The following COBL variants were observed in gnomAD, a reference collection of about 807,000 sequenced individuals.
COBL encodes cordon-bleu WH2 repeat protein.
In COBL, 51 loss-of-function variants were observed where a neutral mutation model predicts 98.8. That is an observed-to-expected ratio of 0.52 (90% confidence interval 0.41 to 0.65). COBL has a LOEUF of 0.65. COBL is among the 30% of genes least tolerant of loss of function. COBL has a pLI of 0.00. For missense variants in COBL, 1,617 were observed against 1,617.5 expected, an observed-to-expected ratio of 1.00 and a Z score of 0.01; for synonymous variants, 634 against 651.7, an observed-to-expected ratio of 0.97 and a Z score of 0.41.
intron 5 of COBL, among the ~76,000 whole-genome samples, chr7:51,166,996 C>T (rs1020515030): frequency 1.2e-4 from 18 of 152,108 alleles, no homozygotes; most frequent in South Asian, 6.2e-4. Context: ...CAGCTAGTAT[C>T]TTACTGAATG....
chr7:51,305,485 A>G (rs1802371785), intron 1 of COBL, among the ~76,000 whole-genome samples: 1 of 152,260 alleles, frequency 6.6e-6, no homozygotes, highest in Non-Finnish European at 1.5e-5. Context: ...ATAAAGAGAC[A>G]AAAGGTATAA....
intron 5 of COBL, among the ~76,000 whole-genome samples, chr7:51,171,116 G>A (rs1218968461): frequency 6.6e-6 from 1 of 152,050 alleles, no homozygotes; most frequent in East Asian, 1.9e-4. Context: ...TTCTCCAAAA[G>A]AGTGCCTATG....
chr7:51,103,003 G>T (rs1795944143), intron 6 of COBL, among the ~76,000 whole-genome samples: 1 of 152,144 alleles, frequency 6.6e-6, no homozygotes, highest in Non-Finnish European at 1.5e-5. Flanking sequence ...TGCTCAGAGT[G>T]ACAACACTCT....
In COBL at chr7:51,236,187, C is replaced by T. The variant is rs142573691; in HGVS notation, c.42-16243G>A. On this transcript the variant is annotated intron_variant, in intron 1 of 12. Transcript: ENST00000265136. ...CCACTTAACAGACAGAAAACTGAGG[C>T]CCAGAGCCCTTACAAGGAGTGCTGG... Among the ~76,000 whole-genome samples the T allele has an allele frequency of 2.2e-3, 339 of 152,206 alleles. 1 individual carries two copies. Among genetic ancestry groups the T allele is most frequent in the Non-Finnish European group, 4.1e-3 (277 of 68,028 alleles).
At chr7:51,099,973 G>A (rs1422935963) in intron 6 of COBL, among the ~76,000 whole-genome samples, 3 of 152,104 alleles carry the variant, frequency 2.0e-5, no homozygotes, top group Admixed American at 6.5e-5. Flanking sequence ...GCCCTGACTC[G>A]ACCTTATACC....
chr7:51,250,142 C>T (rs2129135879), intron 1 of COBL, among the ~76,000 whole-genome samples: 1 of 152,116 alleles, frequency 6.6e-6, no homozygotes, highest in South Asian at 2.1e-4. Context: ...TAGACACTCC[C>T]TTGACAAACC....
At chr7:51,066,253 C>T (rs963184921) in intron 7 of COBL, among the ~76,000 whole-genome samples, 9 of 152,212 alleles carry the variant, frequency 5.9e-5, no homozygotes, top group Admixed American at 2.0e-4. Context: ...TGTGCAGCCC[C>T]ATACTTGTTG....
At chr7:51,276,223 A>G (rs1799298981) in intron 1 of COBL, among the ~76,000 whole-genome samples, 1 of 152,172 alleles carries the variant, frequency 6.6e-6, no homozygotes, top group African/African-American at 2.4e-5. Context: ...AGCTGTTCTC[A>G]GACATTTCTT....
At chr7:51,140,755 G>A (rs1799661613) in intron 5 of COBL, among the ~76,000 whole-genome samples, 1 of 152,218 alleles carries the variant, frequency 6.6e-6, no homozygotes, top group Admixed American at 6.5e-5. Context: ...ATAGGGCACT[G>A]AGAGTGCAGG....
chr7:51,269,434 A>G (rs1798549839), intron 1 of COBL, among the ~76,000 whole-genome samples: 1 of 152,192 alleles, frequency 6.6e-6, no homozygotes. Flanking sequence ...TAAGTGGCAC[A>G]GGGTCCAGAC....
At chr7:51,268,469 C>T (rs1042717824) in intron 1 of COBL, among the ~76,000 whole-genome samples, 1 of 152,156 alleles carries the variant, frequency 6.6e-6, no homozygotes, top group Admixed American at 6.5e-5. Context: ...TTCCTACCAC[C>T]CTTCCTGCAA....
intron 2 of COBL, among the ~76,000 whole-genome samples, chr7:51,197,286 G>C (rs1433309073): frequency 6.6e-6 from 1 of 152,072 alleles, no homozygotes; most frequent in Non-Finnish European, 1.5e-5. Context: ...TTAACCAAAA[G>C]TAAGTCAGGA....
chr7:51,064,958 CCTCT>C (rs1387715294), intron 7 of COBL: 13 of 593,236 alleles, frequency 2.2e-5, no homozygotes, highest in Non-Finnish European at 3.3e-5. Flanking sequence ...GGCTCATTTT[CCTCT>C]CTATTAGCTG....
chr7:51,038,517 G>A (rs1287480705), intron 8 of COBL, among the ~76,000 whole-genome samples: 2 of 152,198 alleles, frequency 1.3e-5, no homozygotes, highest in Non-Finnish European at 2.9e-5. Flanking sequence ...ATAGGGTGCA[G>A]GGAAAGGAGA....
chr7:51,027,570 G>C, intron 10 of COBL, 142 bp downstream of exon 10: 1 of 714,476 alleles, frequency 1.4e-6, no homozygotes, highest in Non-Finnish European at 2.3e-6. Context: ...GGGAATTCTA[G>C]TTAAAATGAA....
chr7:51,097,388 A>C (rs1161708602), intron 6 of COBL, among the ~76,000 whole-genome samples: 1 of 152,216 alleles, frequency 6.6e-6, no homozygotes, highest in Non-Finnish European at 1.5e-5. Flanking sequence ...AAGACGAGGA[A>C]GAAGGAAAGA....
At chr7:51,152,521 T>A (rs1170823059) in intron 5 of COBL, among the ~76,000 whole-genome samples, 1 of 152,198 alleles carries the variant, frequency 6.6e-6, no homozygotes, top group Non-Finnish European at 1.5e-5. Context: ...GTTGGCACAT[T>A]TGTCAGACCT....
chr7:51,023,577 G>C (rs891758766), intron 12 of COBL, among the ~76,000 whole-genome samples: 1 of 152,192 alleles, frequency 6.6e-6, no homozygotes, highest in Non-Finnish European at 1.5e-5. Context: ...TGGGCGCTCA[G>C]GCTGTTCTTG....
intron 6 of COBL, among the ~76,000 whole-genome samples, chr7:51,119,751 A>C (rs965433533): frequency 6.6e-6 from 1 of 152,262 alleles, no homozygotes; most frequent in Admixed American, 6.5e-5. Flanking sequence ...TCATCAATAT[A>C]GGACTTAAAA....
Sources: allele counts gnomAD v4.1 joint callset (sites outside exome capture counted in the v4.1 genomes callset), GRCh38; gene constraint gnomAD v4.1.1; transcripts MANE v1.5; gene names NCBI Gene and HGNC (gene_info 2026-07-23, HGNC 2026-07-21).